LARGE1: variants seen among roughly 807,000 people sequenced by gnomAD.
The protein encoded by LARGE1 is xylosyl- and glucuronyltransferase LARGE1.
Under a neutral mutation model 87.6 loss-of-function variants are expected in LARGE1, and 43 were observed. The observed-to-expected ratio is 0.49, with a 90% CI of 0.38 to 0.63. The LOEUF (loss-of-function observed/expected upper bound fraction) is 0.63. Ranked by LOEUF, LARGE1 falls within the 30% of genes least tolerant of loss-of-function variation. LARGE1 has a pLI of 0.00. For synonymous variants in LARGE1, 434 were observed against 394.6 expected (o/e 1.10, Z -1.18); for missense variants, 802 against 1,000.2 (o/e 0.80, Z 2.67).
chr22:33,484,622 T>C (rs2069486569), intron 6 of LARGE1, among the ~76,000 whole-genome samples: 1 of 152,182 alleles, frequency 6.6e-6, no homozygotes, highest in Admixed American at 6.5e-5. Context: ...AGGAGAGCGC[T>C]GGGTTCTACT....
intron 9 of LARGE1, among the ~76,000 whole-genome samples, chr22:33,348,774 T>C (rs775817016): frequency 6.6e-6 from 1 of 152,016 alleles, no homozygotes; most frequent in Non-Finnish European, 1.5e-5. Context: ...CCTTTCAGAC[T>C]GGAACCGATA....
chr22:33,912,830 CA>C (rs1475973141), intron 1 of LARGE1, among the ~76,000 whole-genome samples: 3 of 138,352 alleles, frequency 2.2e-5, no homozygotes, highest in East Asian at 4.4e-4. Context: ...AACCAGCAGA[CA>C]AGCATGTTTT....
At chr22:33,739,446 T>C (rs2283937) in intron 2 of LARGE1, among the ~76,000 whole-genome samples, 46,492 of 152,148 alleles carry the variant, frequency 0.31, 9,662 homozygotes, top group African/African-American at 0.6. Context: ...CCTACAGCTT[T>C]CAGCTGCGGT....
At chr22:33,917,122 G>C (rs1476186385) in intron 1 of LARGE1, among the ~76,000 whole-genome samples, 1 of 152,208 alleles carries the variant, frequency 6.6e-6, no homozygotes, top group African/African-American at 2.4e-5. Flanking sequence ...GTTTCAAACA[G>C]AGTCTAACTC....
chr22:33,360,232 G>A (rs1208103939), intron 9 of LARGE1, among the ~76,000 whole-genome samples: 1 of 149,346 alleles, frequency 6.7e-6, no homozygotes, highest in Admixed American at 6.6e-5. Flanking sequence ...AGAACTGCTT[G>A]AACCTGGGAG....
chr22:33,895,193 A>G (rs1317640787), intron 1 of LARGE1, among the ~76,000 whole-genome samples: 1 of 152,154 alleles, frequency 6.6e-6, no homozygotes, highest in Non-Finnish European at 1.5e-5. Flanking sequence ...AAGGAGGACA[A>G]ATTGGCTCTA....
chr22:33,594,632 G>C lies in LARGE1; in HGVS notation c.615+9803C>G, dbSNP rs1187141460. Among the ~76,000 whole-genome samples, 3 of 152,318 alleles carry C rather than the reference G, an allele frequency of 2.0e-5. No homozygotes were observed. The East Asian group carries it at 5.8e-4, about 29-fold the overall frequency. ...TTTTTGTTTTTGTTTTTTAGATGGA[G>C]TTTTGCTCTTGTCGCCCAGCCTGGA... On this transcript the variant is annotated intron_variant, in intron 5 of 14. Coordinates refer to ENST00000397394, the MANE Select transcript of LARGE1 (RefSeq NM_133642.5).
chr22:33,756,164 G>A (rs1271393289), intron 2 of LARGE1, among the ~76,000 whole-genome samples: 2 of 152,174 alleles, frequency 1.3e-5, no homozygotes, highest in Non-Finnish European at 2.9e-5. Context: ...GTCATGGTAA[G>A]GAGTCCACAG....
At chr22:33,296,422 G>C (rs1933266709) in intron 12 of LARGE1, among the ~76,000 whole-genome samples, 1 of 152,136 alleles carries the variant, frequency 6.6e-6, no homozygotes, top group South Asian at 2.1e-4. Flanking sequence ...GGATACATTT[G>C]GCAAATACAA....
intron 6 of LARGE1, among the ~76,000 whole-genome samples, chr22:33,547,938 A>T (rs2077409149): frequency 6.6e-6 from 1 of 152,148 alleles, no homozygotes; most frequent in South Asian, 2.1e-4. Flanking sequence ...CTGTTGCCAT[A>T]AAAAAGTTAT....
chr22:33,627,733 C>T (rs1424355775), intron 3 of LARGE1, among the ~76,000 whole-genome samples: 7 of 152,172 alleles, frequency 4.6e-5, no homozygotes, highest in Admixed American at 4.6e-4. Flanking sequence ...CCCACACCCT[C>T]CAATCCACAT....
At chr22:33,181,204 A>G (rs1429729254) in intron 11 of LARGE1, among the ~76,000 whole-genome samples, 1 of 152,226 alleles carries the variant, frequency 6.6e-6, no homozygotes, top group Non-Finnish European at 1.5e-5. Context: ...TTATAAATTT[A>G]AAATAGAATC....
At chr22:33,263,784 A>G (rs1299884161) in intron 11 of LARGE1, among the ~76,000 whole-genome samples, 2 of 152,234 alleles carry the variant, frequency 1.3e-5, no homozygotes, top group Non-Finnish European at 2.9e-5. Context: ...TACACTCCCC[A>G]TGGACATGAA....
Position 33,273,609 on chromosome 22 carries a change from G to C in LARGE1, c.*818C>G. 5.0e-6 allele frequency: 2 copies of C among 398,822 alleles called. No individual in the cohort carries two copies. Among genetic ancestry groups the C allele is most frequent in the Non-Finnish European group, 8.8e-6 (2 of 226,296 alleles). The allele number at this position is 398,822 out of a possible 1,614,324, so 24.7% of individuals were successfully genotyped here. Reference sequence around the variant, plus strand: ...GCCCCTGGATTCTGGAGAGTAGGGAGTTCAAAGTCACGGGAGCCTCGGTGA... The same window carrying C: ...GCCCCTGGATTCTGGAGAGTAGGGACTTCAAAGTCACGGGAGCCTCGGTGA... On this transcript the variant is annotated 3_prime_UTR_variant, in exon 15 of 15. Transcript: ENST00000397394.
At chr22:33,398,608 A>G (rs913078822) in intron 7 of LARGE1, among the ~76,000 whole-genome samples, 10 of 152,200 alleles carry the variant, frequency 6.6e-5, no homozygotes, top group Non-Finnish European at 1.5e-4. Context: ...TTATGGGTTG[A>G]ATTATGTCCT....
chr22:33,806,427 C>G (rs2086311707), intron 1 of LARGE1, among the ~76,000 whole-genome samples: 1 of 152,142 alleles, frequency 6.6e-6, no homozygotes, highest in African/African-American at 2.4e-5. Flanking sequence ...ATTTTCCAGC[C>G]CCAGTGTTTA....
chr22:33,378,007 G>GT (rs1225635152), intron 9 of LARGE1, among the ~76,000 whole-genome samples: 1 of 151,422 alleles, frequency 6.6e-6, no homozygotes, highest in Non-Finnish European at 1.5e-5. Context: ...TTTATATCTG[G>GT]TAAGTCCAAT....
chr22:33,300,786 G>C (rs11089618), intron 12 of LARGE1, among the ~76,000 whole-genome samples: 23,788 of 151,940 alleles, frequency 0.16, 4,414 homozygotes, highest in African/African-American at 0.45. Context: ...GTGATTCACC[G>C]GCCTCGGCCT....
At chr22:33,436,995 A>G (rs977646754) in intron 6 of LARGE1, among the ~76,000 whole-genome samples, 3 of 147,876 alleles carry the variant, frequency 2.0e-5, no homozygotes, top group Non-Finnish European at 4.5e-5. Context: ...TTGGTTCAAT[A>G]TTGGCAGGGG....
Sources: gnomAD v4.1 joint callset for allele counts (sites outside exome capture counted in the v4.1 genomes callset) on GRCh38, gnomAD v4.1.1 for gene constraint, MANE v1.5 for transcripts, NCBI Gene and HGNC (gene_info 2026-07-23, HGNC 2026-07-21) for gene names.